Variants in ACTG2 observed in about 807,000 individuals in gnomAD.
ACTG2 encodes the protein actin gamma 2, smooth muscle, also known as actin, gamma-enteric smooth muscle.
ACTG2 carries 16 observed loss-of-function variants against 37.6 expected under a neutral mutation model. The ratio of observed to expected loss-of-function variants is 0.43; its 90% confidence interval spans 0.29 to 0.65. ACTG2 has a LOEUF of 0.65. Ranked by LOEUF, ACTG2 falls within the 30% of genes least tolerant of loss-of-function variation. ACTG2 has a pLI of 0.18. For missense variants in ACTG2, 238 were observed against 490.9 expected (o/e 0.48, Z 4.87); for synonymous variants, 181 against 179.9 (o/e 1.01, Z -0.05).
chr2:73,907,021 A>G (rs1653247), intron 3 of ACTG2, among the ~76,000 whole-genome samples: 86,825 of 151,864 alleles, frequency 0.57, 25,131 homozygotes, highest in Admixed American at 0.67. Context: ...CAATGCTCAC[A>G]GTCCAGGGCC....
chr2:73,901,998 TGAG>T (rs150253243), intron 2 of ACTG2, among the ~76,000 whole-genome samples: 2,601 of 148,700 alleles, frequency 0.017, 64 homozygotes, highest in African/African-American at 0.059. Flanking sequence ...ACAGGGGACT[TGAG>T]GAGGATGCAT....
At chr2:73,913,921 C>T (rs922380660) in intron 6 of ACTG2, among the ~76,000 whole-genome samples, 2 of 152,184 alleles carry the variant, frequency 1.3e-5, no homozygotes, top group African/African-American at 4.8e-5. Flanking sequence ...TCTGCTGATG[C>T]ATTTCATTAC....
intron 1 of ACTG2, among the ~76,000 whole-genome samples, chr2:73,899,517 ATCT>A (rs1679830883): frequency 6.6e-6 from 1 of 151,948 alleles, no homozygotes; most frequent in Non-Finnish European, 1.5e-5. Flanking sequence ...GCCTTTTGAG[ATCT>A]TCTTGGACTT....
Position 73,916,609 on chromosome 2 carries a change from G to C in ACTG2, c.831G>C (p.Glu277Asp). 6.2e-7 allele frequency: 1 copy of C among 1,613,952 alleles called. No homozygotes were observed. The highest frequency in any genetic ancestry group is 8.5e-7 in the Non-Finnish European group (1 of 1,179,930). Residue 277 changes from glutamate (E) to aspartate (D), a missense_variant, in exon 8 of 9, where the codon GAG (glutamate) becomes GAC (aspartate). Physicochemically the swap from Glu to Asp is conservative, Grantham distance 45. Transcript: ENST00000345517. ...GCATGGAGTCCGCTGGAATTCATGA[G>C]ACAACCTACAATTCCATCATGAAGT... is the stretch of plus-strand genomic sequence containing the variant. ...FIGMESAGIH[E>D]TTYNSIMKCD...
At chr2:73,912,542 T>C (rs1680161636) in intron 5 of ACTG2, among the ~76,000 whole-genome samples, 2 of 152,234 alleles carry the variant, frequency 1.3e-5, no homozygotes, top group Non-Finnish European at 2.9e-5. Context: ...TTACCATTTC[T>C]CTATTGCTGG....
At chr2:73,902,793 A>C in intron 3 of ACTG2, 11 of 1,539,778 alleles carry the variant, frequency 7.1e-6, no homozygotes, top group Non-Finnish European at 9.6e-6. Flanking sequence ...TCACCTCCTC[A>C]GAAATCTTCA....
chr2:73,918,735 T>G (rs959376162), intron 8 of ACTG2, among the ~76,000 whole-genome samples: 2 of 152,190 alleles, frequency 1.3e-5, no homozygotes, highest in African/African-American at 4.8e-5. Flanking sequence ...ACTTCTGAGA[T>G]ATAATTGGCT....
intron 3 of ACTG2, among the ~76,000 whole-genome samples, chr2:73,903,667 C>T (rs970509954): frequency 1.4e-4 from 22 of 152,146 alleles, no homozygotes; most frequent in African/African-American, 5.1e-4. Context: ...ATAGGCCGGG[C>T]GTGGTGGCTT....
At chr2:73,912,502 G>A (rs2694696) in intron 5 of ACTG2, among the ~76,000 whole-genome samples, 92,168 of 151,970 alleles carry the variant, frequency 0.61, 28,826 homozygotes, top group Admixed American at 0.72. Context: ...CGTGGTAGTC[G>A]TTGTATGATG....
intron 3 of ACTG2, among the ~76,000 whole-genome samples, chr2:73,903,951 A>C (rs1279455829): frequency 1.7e-4 from 17 of 100,696 alleles, no homozygotes; most frequent in South Asian, 3.0e-4. Context: ...AAAAAAAAAA[A>C]AAAAAAAACA....
At position 73,909,025 on chromosome 2, in the gene ACTG2, A is replaced by G. The variant is rs1169851586; in HGVS notation, c.367-30A>G. The G allele has an allele frequency of 1.9e-6, 3 of 1,606,458 alleles. No homozygotes were observed. The African/African-American group carries it at 4.0e-5, about 21-fold the overall frequency. On this transcript the variant is annotated intron_variant, in intron 4 of 8. Transcript: ENST00000345517. The stretch of plus-strand genomic sequence containing the variant: ...CAAGAAGTGCTGTGATTTTTGCCAA[A>G]TAATCTTTTATTCTTCATTGTCCTT...
chr2:73,916,462 G>A, intron 7 of ACTG2, 122 bp from the exon 8 acceptor site: 1 of 802,550 alleles, frequency 1.2e-6, no homozygotes, highest in Non-Finnish European at 2.0e-6. Flanking sequence ...TAATCCTTCT[G>A]GGAGATATTA....
chr2:73,906,194 G>A (rs1320718564), intron 3 of ACTG2, among the ~76,000 whole-genome samples: 2 of 151,996 alleles, frequency 1.3e-5, no homozygotes, highest in African/African-American at 4.8e-5. Flanking sequence ...GCTCACGCCT[G>A]TAATCCCAGC....
At position 73,907,122 on chromosome 2, in the gene ACTG2, G is replaced by A. The variant is rs10187397; in HGVS notation, c.256-1551G>A. On this transcript the variant is annotated intron_variant, in intron 3 of 8. Transcript: ENST00000345517. ...CCTCAAGGCCCATTTAAATCCCTCA[G>A]ATAATGAATTACTCCTACCTCTTCT... is the stretch of plus-strand genomic sequence containing the variant. Among the ~76,000 whole-genome samples, 787 of 152,250 alleles carry A rather than the reference G, an allele frequency of 5.2e-3. 8 individuals carry two copies. Among genetic ancestry groups the A allele is most frequent in the African/African-American group, 0.018 (758 of 41,540 alleles).
chr2:73,901,674 G>A (rs564571961), intron 2 of ACTG2: 2 of 670,438 alleles, frequency 3.0e-6, no homozygotes, highest in South Asian at 6.0e-5. Context: ...GATAGAGCAG[G>A]ACCCTTTAAA....
chr2:73,908,168 A>G (rs1159837808), intron 3 of ACTG2: 1 of 426,390 alleles, frequency 2.3e-6, no homozygotes, highest in South Asian at 1.7e-5. Flanking sequence ...GGGCAGTGTC[A>G]TTGGAGCTTA....
At chr2:73,895,530 C>T (rs1021057721) in intron 1 of ACTG2, among the ~76,000 whole-genome samples, 9 of 152,154 alleles carry the variant, frequency 5.9e-5, no homozygotes, top group Non-Finnish European at 1.0e-4. Flanking sequence ...AAGGCAGAGA[C>T]GCAGCTGCTT....
At chr2:73,898,415 G>T (rs1005205005) in intron 1 of ACTG2, among the ~76,000 whole-genome samples, 32 of 144,900 alleles carry the variant, frequency 2.2e-4, no homozygotes, top group African/African-American at 7.9e-4. Context: ...CCAGCAATTA[G>T]TTTACAAGCC....
Position 73,909,126 on chromosome 2 carries a change from T to C in ACTG2, c.438T>C (p.Ser146=), listed in dbSNP as rs1211052627. Residue 146 remains serine (S), a synonymous_variant, in exon 5 of 9, where the codon TCT becomes TCC. Transcript: ENST00000345517. ...AIQAVLSLYA[S]GRTTGIVLDS... ...AAGCTGTGCTCTCCCTCTATGCCTC[T>C]GGCCGCACGACAGGTGAGTAATCCT... The C allele has an allele frequency of 6.2e-7, 1 of 1,613,594 alleles. No individual in the cohort carries two copies. The highest frequency in any genetic ancestry group is 1.7e-5 in the Admixed American group (1 of 60,032).
Sources: allele counts gnomAD v4.1 joint callset (sites outside exome capture counted in the v4.1 genomes callset), GRCh38; gene constraint gnomAD v4.1.1; transcripts MANE v1.5; gene names NCBI Gene and HGNC (gene_info 2026-07-23, HGNC 2026-07-21).